EPC1: variants seen among roughly 807,000 people sequenced by gnomAD.
EPC1 encodes enhancer of polycomb homolog 1.
A neutral mutation model predicts 98.4 loss-of-function variants in EPC1; 12 were observed. The observed-to-expected ratio is 0.12, with a 90% CI of 0.08 to 0.20. EPC1 has a LOEUF of 0.20. Ranked by LOEUF, EPC1 falls within the 10% of genes least tolerant of loss-of-function variation. The probability of loss-of-function intolerance (pLI) is 1.00; values close to 1 mark genes in which losing one functional copy is unlikely to be tolerated. For synonymous variants in EPC1, 357 were observed against 363.9 expected (o/e 0.98, Z 0.21); for missense variants, 729 against 990.5 (o/e 0.74, Z 3.54).
At chr10:32,368,413 G>A (rs1009662988) in intron 1 of EPC1, among the ~76,000 whole-genome samples, 1 of 152,050 alleles carries the variant, frequency 6.6e-6, no homozygotes, top group African/African-American at 2.4e-5. Flanking sequence ...TTCCATCTTT[G>A]CCTGTGCCCA....
intron 1 of EPC1, among the ~76,000 whole-genome samples, chr10:32,316,412 G>C (rs1385125597): frequency 6.6e-6 from 1 of 152,106 alleles, no homozygotes; most frequent in African/African-American, 2.4e-5. Context: ...CAAACTGGAA[G>C]CCACTCAAAT....
chr10:32,351,824 G>A (rs146787161), upstream of EPC1, among the ~76,000 whole-genome samples: 15,875 of 136,998 alleles, frequency 0.12, 919 homozygotes, highest in Middle Eastern at 0.15. Flanking sequence ...TCCACCTCCC[G>A]GGTTCAAGTG....
chr10:32,370,348 C>CA (rs1445816272), intron 1 of EPC1, among the ~76,000 whole-genome samples: 3 of 152,180 alleles, frequency 2.0e-5, no homozygotes, highest in African/African-American at 7.2e-5. Flanking sequence ...GGCTAGTCTA[C>CA]AAAAACCTCC....
Position 32,268,108 on chromosome 10 carries a change from A to G in EPC1, c.*955T>C, listed in dbSNP as rs913757662. 1.3e-5 allele frequency: 2 copies of G among 152,228 alleles called. No individual in the cohort carries two copies. Among genetic ancestry groups the G allele is most frequent in the African/African-American group, 4.8e-5 (2 of 41,450 alleles). 9.4% of individuals were successfully genotyped at this position (152,228 alleles called of 1,614,324 possible). ...TTTCGTAAGAACAAGTAAAGAATGA[A>G]GTCTTTTAAACAATTCGACAATAAA... On this transcript the variant is annotated 3_prime_UTR_variant, in exon 14 of 14. Coordinates refer to ENST00000319778, the MANE Select transcript of EPC1 (RefSeq NM_001272004.3).
In EPC1 at chr10:32,291,209, A is replaced by C. The variant is rs868826577; in HGVS notation, c.929T>G (p.Phe310Cys). Residue 310 changes from phenylalanine (F) to cysteine (C), a missense_variant, in exon 6 of 14, where the codon TTT becomes TGT. By Grantham distance (205) the Phe-to-Cys change is radical. Transcript: ENST00000319778. ...CACATCCATTGCTTCCTGGTGTTTA[A>C]ATTGACTGCTATTAGTAATAGGGAT... ...PIIPITNSSQ[F>C]KHQEAMDVKE... The C allele has an allele frequency of 3.1e-6, 5 of 1,614,048 alleles. No homozygotes were observed. In the Middle Eastern group the frequency reaches 6.6e-4, roughly 213 times the overall value.
rs1044815084 is a variant in EPC1, at chr10:32,279,177, G to A, written c.1744+5521C>T. On this transcript the variant is annotated intron_variant, in intron 10 of 13. Transcript: ENST00000319778. The stretch of plus-strand genomic sequence containing the variant: ...TGCCTGGCCAATATGGTGAAACCCC[G>A]TCTCTACTAAAAAATACAAAAATTA... Among the ~76,000 whole-genome samples the A allele has an allele frequency of 2.6e-5, 4 of 151,812 alleles. No homozygotes were observed. The East Asian group carries it at 5.8e-4, about 22-fold the overall frequency.
intron 2 of EPC1, 80 bp from the exon 3 acceptor site, chr10:32,293,817 G>C: frequency 7.8e-7 from 1 of 1,279,668 alleles, no homozygotes; most frequent in East Asian, 2.4e-5. Context: ...ATAAAAACAA[G>C]ACCTAGACTT....
intron 13 of EPC1, among the ~76,000 whole-genome samples, chr10:32,270,808 C>G (rs1476935552): frequency 1.9e-5 from 2 of 107,352 alleles, no homozygotes; most frequent in African/African-American, 3.8e-5. Context: ...GGCAACAGAG[C>G]GAGACTCGGT....
At chr10:32,310,830 C>T (rs905767999) in intron 1 of EPC1, among the ~76,000 whole-genome samples, 5 of 151,878 alleles carry the variant, frequency 3.3e-5, no homozygotes, top group Non-Finnish European at 5.9e-5. Context: ...GCGGAGATCA[C>T]GCCACTGCAC....
rs774486897 is a variant in EPC1 at position 32,292,662 on chromosome 10, CTTGT to C, written c.667-22_667-19del. The C allele has an allele frequency of 5.6e-6, 9 of 1,598,684 alleles. No homozygotes were observed. The African/African-American group carries it at 1.2e-4, about 22-fold the overall frequency. ...TTGCGATTCTGCAAATGTGAAGTTGCTTGTTTAATGTTAGTAAGTATTTCTAACT... is the reference window on the plus strand; with the variant it reads ...TTGCGATTCTGCAAATGTGAAGTTGCTTAATGTTAGTAAGTATTTCTAACT... On this transcript the variant is annotated intron_variant, in intron 4 of 13. Transcript: ENST00000319778.
At chr10:32,345,450 A>G in intron 1 of EPC1, 2 of 985,352 alleles carry the variant, frequency 2.0e-6, no homozygotes, top group South Asian at 4.7e-5. Flanking sequence ...TTACAGTACC[A>G]AGAGAAGTAT....
chr10:32,341,321 G>GTGTC (rs1838333716), intron 1 of EPC1, among the ~76,000 whole-genome samples: 1 of 93,514 alleles, frequency 1.1e-5, no homozygotes, highest in Non-Finnish European at 2.5e-5. Flanking sequence ...ACATGTCTGT[G>GTGTC]TGTGTGTGTC....
intron 4 of EPC1, 79 bp from the exon 5 acceptor site, chr10:32,292,723 A>G: frequency 7.3e-7 from 1 of 1,364,850 alleles, no homozygotes. Flanking sequence ...TAAAATTTAT[A>G]TATTTGAAGG....
intron 2 of EPC1, among the ~76,000 whole-genome samples, chr10:32,298,557 G>A (rs932700779): frequency 6.6e-6 from 1 of 152,178 alleles, no homozygotes; most frequent in South Asian, 2.1e-4. Flanking sequence ...AGAAAAGACT[G>A]TTGTGAAGAT....
Position 32,268,843 on chromosome 10 carries a change from T to G in EPC1, c.*220A>C, listed in dbSNP as rs1244625069. The G allele has an allele frequency of 2.3e-6, 1 of 433,850 alleles. No homozygotes were observed. The highest frequency in any genetic ancestry group is 4.2e-6 in the Non-Finnish European group (1 of 239,430). 26.9% of individuals were successfully genotyped at this position (433,850 alleles called of 1,614,324 possible). A position where few individuals can be genotyped will look rare whatever the true frequency, so the allele number is the denominator to read the frequency against. On this transcript the variant is annotated 3_prime_UTR_variant, in exon 14 of 14. Transcript: ENST00000319778. ...CAAGGGTATTACAAATATGCAGTACTGTACAGATAATTGCTGTATTCTTAA... is the reference window on the plus strand; with the variant it reads ...CAAGGGTATTACAAATATGCAGTACGGTACAGATAATTGCTGTATTCTTAA...
chr10:32,374,336 C>T (rs905222334), intron 1 of EPC1: 5 of 151,954 alleles, frequency 3.3e-5, no homozygotes, highest in African/African-American at 9.7e-5. Flanking sequence ...TTGATGACAC[C>T]GTGAACAAAA....
chr10:32,319,089 T>C (rs1314304046), intron 1 of EPC1, among the ~76,000 whole-genome samples: 1 of 152,216 alleles, frequency 6.6e-6, no homozygotes, highest in African/African-American at 2.4e-5. Context: ...ACTCCATCTA[T>C]AACTCTTCTC....
chr10:32,342,473 T>C (rs150618821), intron 1 of EPC1, among the ~76,000 whole-genome samples: 7 of 152,310 alleles, frequency 4.6e-5, no homozygotes, highest in East Asian at 1.9e-4. Context: ...TTCTTATAAA[T>C]AGTTCTTAAC....
intron 1 of EPC1, 29 bp from the exon 2 acceptor site, chr10:32,305,960 A>G (rs1335848418): frequency 6.3e-7 from 1 of 1,577,160 alleles, no homozygotes; most frequent in African/African-American, 1.4e-5. Flanking sequence ...AGGTAAGTTC[A>G]TGTATTTTTA....
Sources: gnomAD v4.1 joint callset for allele counts (sites outside exome capture counted in the v4.1 genomes callset) on GRCh38, gnomAD v4.1.1 for gene constraint, MANE v1.5 for transcripts, NCBI Gene and HGNC (gene_info 2026-07-23, HGNC 2026-07-21) for gene names.